SOX5: variants seen among roughly 807,000 people sequenced by gnomAD.
The protein encoded by SOX5 is transcription factor SOX-5.
A neutral mutation model predicts 92.0 loss-of-function variants in SOX5; 9 were observed. The ratio of observed to expected loss-of-function variants is 0.10; its 90% CI spans 0.06 to 0.17. The LOEUF is 0.17. Ranked by LOEUF, SOX5 falls within the 10% of genes least tolerant of loss-of-function variation. The pLI is 1.00. For missense variants in SOX5, 642 were observed against 944.5 expected (o/e 0.68, Z 4.20); for synonymous variants, 344 against 336.3 (o/e 1.02, Z -0.25).
intron 1 of SOX5, among the ~76,000 whole-genome samples, chr12:23,909,816 A>G (rs1386584029): frequency 7.1e-6 from 1 of 140,934 alleles, no homozygotes; most frequent in South Asian, 2.4e-4. Flanking sequence ...TTTTAACCTC[A>G]TTACCACATG....
chr12:24,210,530 T>G (rs76130454), intron 4 of SOX5, among the ~76,000 whole-genome samples: 1 of 152,230 alleles, frequency 6.6e-6, no homozygotes, highest in Non-Finnish European at 1.5e-5. Flanking sequence ...AGGACTTCTT[T>G]CTGGACTTAC....
At chr12:24,213,419 T>TAAAAAGA (rs1958854543) in intron 3 of SOX5, 1 of 96,864 alleles carries the variant, frequency 1.0e-5, no homozygotes, top group Non-Finnish European at 2.1e-5. Context: ...CTTGAAATGC[T>TAAAAAGA]AAAAAAAAAA....
At chr12:24,151,523 A>G (rs1055659573) in intron 4 of SOX5, among the ~76,000 whole-genome samples, 2 of 152,162 alleles carry the variant, frequency 1.3e-5, no homozygotes, top group African/African-American at 4.8e-5. Context: ...TGAAACTTTA[A>G]CTATTTTGAA....
intron 6 of SOX5, among the ~76,000 whole-genome samples, chr12:23,731,825 T>C (rs887254889): frequency 6.6e-6 from 1 of 152,216 alleles, no homozygotes; most frequent in African/African-American, 2.4e-5. Flanking sequence ...TATAAAACGC[T>C]ACAGTCTACT....
chr12:23,538,925 C>T (rs556450360), intron 13 of SOX5, among the ~76,000 whole-genome samples: 138 of 151,314 alleles, frequency 9.1e-4, no homozygotes, highest in African/African-American at 3.0e-3. Flanking sequence ...CTCAGCCTCC[C>T]GAGTAGCTGG....
At chr12:24,028,691 G>C (rs1955159645) in intron 4 of SOX5, among the ~76,000 whole-genome samples, 1 of 151,932 alleles carries the variant, frequency 6.6e-6, no homozygotes, top group African/African-American at 2.4e-5. Context: ...ATTACATTTA[G>C]AGCTCAAATC....
intron 3 of SOX5, among the ~76,000 whole-genome samples, chr12:23,795,500 G>A (rs1433383626): frequency 5.3e-5 from 8 of 152,158 alleles, no homozygotes; most frequent in Admixed American, 5.2e-4. Context: ...GCTCCTTTAA[G>A]TCTTGCCTTG....
intron 1 of SOX5, among the ~76,000 whole-genome samples, chr12:24,539,556 A>G (rs1020876597): frequency 6.6e-6 from 1 of 152,146 alleles, no homozygotes; most frequent in Non-Finnish European, 1.5e-5. Flanking sequence ...ATTGTAATGC[A>G]CTAAAGCTGG....
intron 4 of SOX5, among the ~76,000 whole-genome samples, chr12:24,190,676 G>A (rs183655307): frequency 8.5e-5 from 13 of 152,214 alleles, no homozygotes; most frequent in Non-Finnish European, 1.5e-5. Flanking sequence ...GATAAGCTTG[G>A]TATTTCATCC....
intron 1 of SOX5, among the ~76,000 whole-genome samples, chr12:23,925,589 A>T (rs1210325570): frequency 6.6e-6 from 1 of 152,102 alleles, no homozygotes; most frequent in African/African-American, 2.4e-5. Context: ...GTATGGAGGA[A>T]AGTTATTACA....
chr12:23,849,059 C>T (rs1225532059), intron 2 of SOX5, among the ~76,000 whole-genome samples: 2 of 151,958 alleles, frequency 1.3e-5, no homozygotes, highest in African/African-American at 2.4e-5. Context: ...ATGAACACGT[C>T]GAAAGAAATA....
At chr12:24,102,750 A>G (rs369163353) in intron 4 of SOX5, among the ~76,000 whole-genome samples, 51 of 152,350 alleles carry the variant, frequency 3.3e-4, no homozygotes, top group African/African-American at 1.2e-3. Context: ...CTACTAATTC[A>G]GTTTCACTGA....
chr12:24,425,392 G>C (rs959190109), intron 1 of SOX5, among the ~76,000 whole-genome samples: 1 of 152,134 alleles, frequency 6.6e-6, no homozygotes, highest in South Asian at 2.1e-4. Flanking sequence ...AAGAAACTTC[G>C]ACAGGCATCA....
chr12:24,048,599 A>G (rs1035943319), intron 4 of SOX5, among the ~76,000 whole-genome samples: 2 of 152,220 alleles, frequency 1.3e-5, no homozygotes, highest in African/African-American at 4.8e-5. Context: ...AAAAGGTGGA[A>G]GCAACCCAGA....
At chr12:24,125,494 T>C (rs1170947977) in intron 4 of SOX5, among the ~76,000 whole-genome samples, 2 of 152,204 alleles carry the variant, frequency 1.3e-5, no homozygotes, top group Non-Finnish European at 2.9e-5. Context: ...AAGCATGAAA[T>C]AACATCTTGC....
rs201807811 is a variant in SOX5 at position 23,940,639 on chromosome 12, GC to G, written c.38+8924del. On this transcript the variant is annotated intron_variant, in intron 1 of 14. Coordinates refer to ENST00000451604, the MANE Select transcript of SOX5 (RefSeq NM_006940.6). Reference sequence around the variant, plus strand: ...TTGAGATCTTAACATCTAGCTAATAGCGCTTTGTACTATGTTACATTTCCAA... The same window carrying G: ...TTGAGATCTTAACATCTAGCTAATAGGCTTTGTACTATGTTACATTTCCAA... Among the ~76,000 whole-genome samples, 878 of 151,184 alleles carry G rather than the reference GC, an allele frequency of 5.8e-3. 10 individuals are homozygous for G. Among genetic ancestry groups the G allele is most frequent in the African/African-American group, 0.02 (830 of 41,374 alleles).
intron 6 of SOX5, among the ~76,000 whole-genome samples, chr12:23,666,441 A>G (rs2083820229): frequency 6.6e-6 from 1 of 152,216 alleles, no homozygotes; most frequent in Non-Finnish European, 1.5e-5. Context: ...AATACAACCT[A>G]ATGTGGCCAT....
intron 3 of SOX5, among the ~76,000 whole-genome samples, chr12:24,272,200 T>G (rs1943847320): frequency 6.6e-6 from 1 of 152,136 alleles, no homozygotes; most frequent in Non-Finnish European, 1.5e-5. Context: ...AGAAATATTG[T>G]GCATCTCTTA....
At chr12:24,421,471 T>C (rs1467097807) in intron 1 of SOX5, among the ~76,000 whole-genome samples, 1 of 152,210 alleles carries the variant, frequency 6.6e-6, no homozygotes, top group African/African-American at 2.4e-5. Flanking sequence ...TTAACCAATA[T>C]GCTTCCATAC....
Sources: gnomAD v4.1 joint callset for allele counts (sites outside exome capture counted in the v4.1 genomes callset) on GRCh38, gnomAD v4.1.1 for gene constraint, MANE v1.5 for transcripts, NCBI Gene and HGNC (gene_info 2026-07-23, HGNC 2026-07-21) for gene names.